LARP1: variants seen among roughly 807,000 people sequenced by gnomAD.
The protein encoded by LARP1 is La ribonucleoprotein 1, translational regulator, also known as la-related protein 1.
A neutral mutation model predicts 122.7 loss-of-function variants in LARP1; 36 were observed. The ratio of observed to expected loss-of-function variants is 0.29; its 90% CI spans 0.22 to 0.39. LARP1 has a LOEUF of 0.39. LARP1 is among the 10% of genes least tolerant of loss of function. The pLI, the probability that LARP1 is intolerant of heterozygous loss-of-function variation, is 1.00. For missense variants in LARP1, 1,040 were observed against 1,403.6 expected, an observed-to-expected ratio of 0.74 and a Z score of 4.14; for synonymous variants, 539 against 528.7, an observed-to-expected ratio of 1.02 and a Z score of -0.27.
chr5:154,807,487 G>A (rs984522328), intron 15 of LARP1, among the ~76,000 whole-genome samples: 1 of 152,126 alleles, frequency 6.6e-6, no homozygotes, highest in South Asian at 2.1e-4. Context: ...CAATATGTGA[G>A]TCTTCTGGTT....
intron 1 of LARP1, among the ~76,000 whole-genome samples, chr5:154,780,770 T>A (rs1756357259): frequency 6.6e-6 from 1 of 152,122 alleles, no homozygotes; most frequent in African/African-American, 2.4e-5. Context: ...ACAATAAAAA[T>A]GAGTTTGTGG....
At chr5:154,685,690 G>A (rs915010222) in intron 1 of LARP1, 1 of 390,252 alleles carries the variant, frequency 2.6e-6, no homozygotes, top group African/African-American at 2.1e-5. Flanking sequence ...TAGAAAAAGG[G>A]GTCGGGCACA....
At chr5:154,730,817 C>G (rs961570265) in intron 1 of LARP1, among the ~76,000 whole-genome samples, 2 of 151,472 alleles carry the variant, frequency 1.3e-5, no homozygotes, top group Non-Finnish European at 2.9e-5. Context: ...CTCTCATACT[C>G]CCATCTAGTC....
chr5:154,805,759 C>G, intron 14 of LARP1, 122 bp from the exon 15 acceptor site: 1 of 1,039,314 alleles, frequency 9.6e-7, no homozygotes, highest in Non-Finnish European at 1.4e-6. Context: ...AACTGGGCCT[C>G]CTTGTTTGAT....
At chr5:154,727,117 A>G (rs1342253200) in intron 1 of LARP1, among the ~76,000 whole-genome samples, 3 of 152,200 alleles carry the variant, frequency 2.0e-5, no homozygotes, top group African/African-American at 7.2e-5. Context: ...AAATTTCCAC[A>G]TATGTATAAT....
At position 154,793,850 on chromosome 5, in the gene LARP1, C is replaced by G. The variant is rs375282718; in HGVS notation, c.919C>G (p.Gln307Glu). The G allele has an allele frequency of 2.5e-6, 4 of 1,614,080 alleles. No homozygotes were observed. Among genetic ancestry groups the G allele is most frequent in the Non-Finnish European group, 3.4e-6 (4 of 1,180,028 alleles). ...CGTGGCCCCCCCCACCCCAGCCTGG[C>G]AACCAGAGATCAAACCGGAGCCTGC... ...VPVAPPTPAW[Q>E]PEIKPEPAWH... Residue 307 changes from glutamine (Q) to glutamate (E), a missense_variant, in exon 6 of 19, where the codon CAA becomes GAA. By Grantham distance (29) the Gln-to-Glu change is conservative (BLOSUM62 2). Transcript: ENST00000518297.
intron 1 of LARP1, among the ~76,000 whole-genome samples, chr5:154,716,392 A>C (rs562238282): frequency 2.0e-5 from 3 of 152,152 alleles, no homozygotes; most frequent in Non-Finnish European, 4.4e-5. Context: ...AAGTGCTAGG[A>C]TTACAGGCAT....
intron 14 of LARP1, chr5:154,804,803 T>G (rs763813503): frequency 6.6e-6 from 3 of 456,188 alleles, no homozygotes; most frequent in South Asian, 4.6e-5. Context: ...GTTTCCTGTT[T>G]CCCAAAGCAA....
intron 8 of LARP1, 109 bp downstream of exon 8, chr5:154,795,428 T>A: frequency 1.8e-6 from 2 of 1,105,146 alleles, no homozygotes; most frequent in African/African-American, 1.6e-5. Context: ...TGATGACTTC[T>A]GCTGAAGTCT....
rs780627190 is a variant in LARP1, at chr5:154,793,985, C to A, written c.1054C>A (p.Arg352=). 1.9e-6 allele frequency: 3 copies of A among 1,610,352 alleles called. No individual in the cohort carries two copies. Among genetic ancestry groups the A allele is most frequent in the Admixed American group, 1.7e-5 (1 of 59,812 alleles). The change falls in exon 6 of 19, where the codon CGG becomes AGG. Residue 352 remains arginine, a synonymous_variant. Coordinates refer to ENST00000518297, the MANE Select transcript of LARP1 (RefSeq NM_033551.3). ...RGRGRGRGRG[R]GGTRTHFDYQ... is the part of the protein sequence containing the mutation. ...GCGTGGTCGCGGCCGGGGACGCGGC[C>A]GGGGTGGCACTCGAAGTACGTGAGG...
At chr5:154,811,067 ATC>A (rs1759231717) in intron 16 of LARP1, among the ~76,000 whole-genome samples, 178 bp from the exon 17 acceptor site, 1 of 152,202 alleles carries the variant, frequency 6.6e-6, no homozygotes, top group Non-Finnish European at 1.5e-5. Context: ...ACTGCAGGAA[ATC>A]TCTGAACATT....
chr5:154,795,793 G>T (rs1757700168), intron 8 of LARP1, among the ~76,000 whole-genome samples: 1 of 138,480 alleles, frequency 7.2e-6, no homozygotes, highest in Non-Finnish European at 1.5e-5. Context: ...ATTTAGTTCA[G>T]ATTCATCCCA....
At chr5:154,720,925 A>C (rs1755825449) in intron 1 of LARP1, among the ~76,000 whole-genome samples, 1 of 152,196 alleles carries the variant, frequency 6.6e-6, no homozygotes, top group Admixed American at 6.5e-5. Flanking sequence ...GGTAGCAAGC[A>C]GGAAAACCAT....
At chr5:154,751,389 A>G (rs1753480688), upstream of LARP1, among the ~76,000 whole-genome samples, 1 of 152,248 alleles carries the variant, frequency 6.6e-6, no homozygotes, top group Non-Finnish European at 1.5e-5. Context: ...GTAGGGGCTC[A>G]GTAGACATTT....
intron 1 of LARP1, among the ~76,000 whole-genome samples, chr5:154,687,009 G>A (rs1426566356): frequency 3.3e-5 from 5 of 152,174 alleles, no homozygotes; most frequent in African/African-American, 9.7e-5. Flanking sequence ...CTCTTAGACC[G>A]ACCCCTCAGT....
intron 1 of LARP1, among the ~76,000 whole-genome samples, chr5:154,788,225 G>A (rs1347480522): frequency 1.3e-5 from 2 of 152,212 alleles, no homozygotes; most frequent in Non-Finnish European, 2.9e-5. Flanking sequence ...AGTCCCAGGA[G>A]TATGGGTGCA....
chr5:154,711,283 A>G (rs1755207585), upstream of LARP1, among the ~76,000 whole-genome samples: 1 of 151,930 alleles, frequency 6.6e-6, no homozygotes. Flanking sequence ...CTGGGATTAC[A>G]GGCATGCGCC....
At chr5:154,706,295 A>AAATATAAT (rs1322933798) in intron 1 of LARP1, among the ~76,000 whole-genome samples, 1 of 142,692 alleles carries the variant, frequency 7.0e-6, no homozygotes, top group African/African-American at 2.6e-5. Flanking sequence ...CTTTGTCTCA[A>AAATATAAT]AATAATAATA....
upstream of LARP1, among the ~76,000 whole-genome samples, chr5:154,708,130 T>C (rs2113279048): frequency 6.6e-6 from 1 of 152,310 alleles, no homozygotes. Context: ...TTTTGAAAGC[T>C]GAGATAGGTG....
Sources: allele counts gnomAD v4.1 joint callset (sites outside exome capture counted in the v4.1 genomes callset), GRCh38; gene constraint gnomAD v4.1.1; transcripts MANE v1.5; gene names NCBI Gene and HGNC (gene_info 2026-07-23, HGNC 2026-07-21).